The following ADAMTSL1 variants were observed in gnomAD, a reference collection of about 807,000 sequenced individuals.
ADAMTSL1 encodes the protein ADAMTS like 1.
ADAMTSL1 carries 126 observed loss-of-function variants against 201.8 expected under a neutral mutation model. That is an observed-to-expected ratio of 0.62 (90% confidence interval 0.54 to 0.72). The LOEUF (loss-of-function observed/expected upper bound fraction) is 0.72. Among genes scored for constraint, ADAMTSL1 ranks in the 30% least tolerant of loss-of-function variants. The pLI is 0.00. For missense variants in ADAMTSL1, 2,679 were observed against 2,277.8 expected, an observed-to-expected ratio of 1.18 and a Z score of -3.59; for synonymous variants, 1,121 against 903.4, an observed-to-expected ratio of 1.24 and a Z score of -4.32.
At chr9:18,328,516 T>C (rs1261458126) in intron 2 of ADAMTSL1, among the ~76,000 whole-genome samples, 1 of 152,120 alleles carries the variant, frequency 6.6e-6, no homozygotes, top group East Asian at 1.9e-4. Context: ...TATCACCCCA[T>C]GTTTAGAGAT....
At chr9:18,517,998 C>T (rs921995402) in intron 2 of ADAMTSL1, among the ~76,000 whole-genome samples, 20 of 152,068 alleles carry the variant, frequency 1.3e-4, no homozygotes, top group African/African-American at 4.8e-4. Flanking sequence ...TCCTTCCCTC[C>T]TTCTATCCCT....
chr9:18,278,815 C>G lies in ADAMTSL1; in HGVS notation c.207+114834C>G, dbSNP rs551286069. Among the ~76,000 whole-genome samples, 5 of 152,240 alleles carry G rather than the reference C, an allele frequency of 3.3e-5. No individual in the cohort carries two copies. The South Asian group carries it at 1.0e-3, about 32-fold the overall frequency. On this transcript the variant is annotated intron_variant, in intron 2 of 29. Coordinates refer to the ADAMTSL1 transcript ENST00000680146. ...AATTTTGACTTGCTTAGTGGTGTCT[C>G]ATAAGTTCTCTAGGCTTTCTTCATT...
At chr9:18,787,793 G>T (rs1435414197) in intron 19 of ADAMTSL1, among the ~76,000 whole-genome samples, 1 of 152,072 alleles carries the variant, frequency 6.6e-6, no homozygotes, top group Non-Finnish European at 1.5e-5. Context: ...AAAAGCAAGT[G>T]GTAATTGGCT....
intron 2 of ADAMTSL1, among the ~76,000 whole-genome samples, chr9:18,219,223 TAGAA>T (rs1350701593): frequency 2.0e-5 from 3 of 151,920 alleles, no homozygotes; most frequent in Non-Finnish European, 4.4e-5. Context: ...TTTCAAATTC[TAGAA>T]AAAACTCTTT....
chr9:18,726,739 A>C (rs182552444), intron 15 of ADAMTSL1, among the ~76,000 whole-genome samples: 37 of 152,338 alleles, frequency 2.4e-4, no homozygotes, highest in African/African-American at 8.7e-4. Flanking sequence ...AAATGAAGGA[A>C]ATTCCAAGCA....
chr9:18,305,085 C>T (rs1048612535), intron 2 of ADAMTSL1, among the ~76,000 whole-genome samples: 6 of 152,160 alleles, frequency 3.9e-5, no homozygotes, highest in African/African-American at 7.2e-5. Context: ...GGCATTGCCT[C>T]ACCGGGAAAG....
In ADAMTSL1 at chr9:18,061,095, A is replaced by G. The variant is rs370102394; in HGVS notation, c.88-102767A>G. On this transcript the variant is annotated intron_variant, in intron 1 of 29. Transcript: ENST00000680146. ...ATGAACTTTATTTTTTGGTTTAGAA[A>G]ATATAAATCCTGTCCCTCTCAAGGC... 3.3e-5 allele frequency among the ~76,000 whole-genome samples: 5 copies of G among 152,282 alleles called. No individual in the cohort carries two copies. In the East Asian group the frequency reaches 9.6e-4, roughly 29 times the overall value.
At chr9:18,212,261 T>C (rs1403937065) in intron 2 of ADAMTSL1, among the ~76,000 whole-genome samples, 1 of 152,180 alleles carries the variant, frequency 6.6e-6, no homozygotes, top group Non-Finnish European at 1.5e-5. Context: ...ACTCAAAGTC[T>C]CTGTGGTAGG....
At chr9:18,854,738 GA>G (rs1483628616) in intron 23 of ADAMTSL1, among the ~76,000 whole-genome samples, 2 of 152,078 alleles carry the variant, frequency 1.3e-5, no homozygotes, top group Non-Finnish European at 2.9e-5. Context: ...CTGACTCTTG[GA>G]AACTGGAGAG....
intron 2 of ADAMTSL1, among the ~76,000 whole-genome samples, chr9:18,438,042 G>C (rs1039905434): frequency 6.6e-6 from 1 of 152,140 alleles, no homozygotes; most frequent in Non-Finnish European, 1.5e-5. Flanking sequence ...AGTCAGTGAG[G>C]AGCCAGGGAA....
chr9:18,815,993 T>G (rs1226153991), intron 20 of ADAMTSL1, among the ~76,000 whole-genome samples: 2 of 152,222 alleles, frequency 1.3e-5, no homozygotes, highest in Non-Finnish European at 2.9e-5. Context: ...TTATCATTTC[T>G]TTGTGGTCAG....
intron 2 of ADAMTSL1, among the ~76,000 whole-genome samples, chr9:18,521,277 A>G (rs1288621698): frequency 6.6e-6 from 1 of 152,158 alleles, no homozygotes; most frequent in East Asian, 1.9e-4. Context: ...GAGGGGCCTC[A>G]AAGTACATTT....
intron 2 of ADAMTSL1, among the ~76,000 whole-genome samples, chr9:18,356,133 A>T (rs1489497561): frequency 6.6e-6 from 1 of 152,158 alleles, no homozygotes; most frequent in African/African-American, 2.4e-5. Context: ...CTTTCAGTGG[A>T]TGGGGGACAT....
chr9:17,916,478 G>A (rs1826098580), intron 1 of ADAMTSL1, among the ~76,000 whole-genome samples: 1 of 152,076 alleles, frequency 6.6e-6, no homozygotes, highest in Non-Finnish European at 1.5e-5. Context: ...TCATTCTTGA[G>A]TTAATTTTTG....
chr9:18,761,304 T>A (rs1820059447), intron 16 of ADAMTSL1, among the ~76,000 whole-genome samples: 1 of 152,228 alleles, frequency 6.6e-6, no homozygotes, highest in South Asian at 2.1e-4. Flanking sequence ...TTTATTAATG[T>A]GCTTATCATG....
At chr9:18,294,823 A>G (rs1304425725) in intron 2 of ADAMTSL1, among the ~76,000 whole-genome samples, 1 of 152,178 alleles carries the variant, frequency 6.6e-6, no homozygotes, top group Admixed American at 6.5e-5. Context: ...TGACTGAACA[A>G]GTGTTTTATG....
chr9:17,970,337 T>C (rs1184884784), intron 1 of ADAMTSL1, among the ~76,000 whole-genome samples: 1 of 152,066 alleles, frequency 6.6e-6, no homozygotes, highest in Non-Finnish European at 1.5e-5. Context: ...ACTCAGAACA[T>C]GGCATTATCC....
intron 23 of ADAMTSL1, among the ~76,000 whole-genome samples, chr9:18,854,677 CGAAA>C (rs1404047805): frequency 6.6e-6 from 1 of 151,916 alleles, no homozygotes; most frequent in Non-Finnish European, 1.5e-5. Context: ...CTAGAGAAAA[CGAAA>C]GAAAGAGAGT....
At chr9:18,064,058 A>G (rs972237637) in intron 1 of ADAMTSL1, among the ~76,000 whole-genome samples, 5 of 152,170 alleles carry the variant, frequency 3.3e-5, no homozygotes, top group Non-Finnish European at 5.9e-5. Context: ...AAAAAAATAA[A>G]AGAAACAGGG....
Sources: gnomAD v4.1 joint callset for allele counts (sites outside exome capture counted in the v4.1 genomes callset) on GRCh38, gnomAD v4.1.1 for gene constraint, MANE v1.5 for transcripts, NCBI Gene and HGNC (gene_info 2026-07-23, HGNC 2026-07-21) for gene names.